MEOX2: variants seen among roughly 807,000 people sequenced by gnomAD.
The protein encoded by MEOX2 is homeobox protein MOX-2.
In MEOX2, 11 loss-of-function variants were observed where a neutral mutation model predicts 27.0. The observed-to-expected ratio is 0.41, with a 90% CI of 0.26 to 0.68. The LOEUF is 0.68. Among genes scored for constraint, MEOX2 ranks in the 30% least tolerant of loss-of-function variants. MEOX2 has a pLI of 0.33. For synonymous variants in MEOX2, 189 were observed against 155.4 expected, an observed-to-expected ratio of 1.22 and a Z score of -1.61; for missense variants, 436 against 385.4, an observed-to-expected ratio of 1.13 and a Z score of -1.10.
chr7:15,656,756 G>T (rs1226655907), intron 1 of MEOX2, among the ~76,000 whole-genome samples: 1 of 151,596 alleles, frequency 6.6e-6, no homozygotes, highest in African/African-American at 2.4e-5. Context: ...ACAATGTATT[G>T]TATTTACCTA....
At chr7:15,667,882 C>T (rs1202787504) in intron 1 of MEOX2, 3 of 152,264 alleles carry the variant, frequency 2.0e-5, no homozygotes, top group African/African-American at 7.2e-5. Flanking sequence ...TGAGGAAAAT[C>T]CCTTAATCAC....
At chr7:15,651,018 A>G (rs1781725138) in intron 1 of MEOX2, among the ~76,000 whole-genome samples, 2 of 152,004 alleles carry the variant, frequency 1.3e-5, no homozygotes. Context: ...GGGAACACTT[A>G]CTTTCTGAAA....
In MEOX2 at chr7:15,681,724, T is replaced by C. The variant is rs148253668; in HGVS notation, c.517+4162A>G. On this transcript the variant is annotated intron_variant, in intron 1 of 2. Transcript: ENST00000262041. ...TGTTTTTTCAGTTTATTAGTAAAGA[T>C]CAGCTTATAAGATGTCATTGTAAAG... The C allele has an allele frequency of 1.9e-4, 29 of 151,830 alleles. No homozygotes were observed. The East Asian group carries it at 5.6e-3, about 29-fold the overall frequency. The allele number at this position is 151,830 out of a possible 1,614,324, so 9.4% of individuals were successfully genotyped here.
intron 1 of MEOX2, among the ~76,000 whole-genome samples, chr7:15,662,809 T>G (rs1030982901): frequency 1.3e-5 from 2 of 152,162 alleles, no homozygotes; most frequent in African/African-American, 4.8e-5. Context: ...CTCCAAAAGA[T>G]TCATGACTGA....
At chr7:15,684,695 T>C (rs1183000297) in intron 1 of MEOX2, among the ~76,000 whole-genome samples, 1 of 152,218 alleles carries the variant, frequency 6.6e-6, no homozygotes, top group Non-Finnish European at 1.5e-5. Flanking sequence ...CATATGGGAT[T>C]ACCTTCTAGG....
intron 2 of MEOX2, among the ~76,000 whole-genome samples, chr7:15,626,430 A>T (rs1484929021): frequency 6.6e-6 from 1 of 152,098 alleles, no homozygotes; most frequent in Non-Finnish European, 1.5e-5. Context: ...GGAGATTTTA[A>T]CATATAAGCA....
intron 1 of MEOX2, among the ~76,000 whole-genome samples, chr7:15,648,532 G>C (rs1236199599): frequency 6.6e-6 from 1 of 152,038 alleles, no homozygotes; most frequent in South Asian, 2.1e-4. Context: ...CCGGAGAAAG[G>C]GATCTGGGTC....
chr7:15,661,199 A>T (rs945279321), intron 1 of MEOX2, among the ~76,000 whole-genome samples: 2 of 152,098 alleles, frequency 1.3e-5, no homozygotes, highest in African/African-American at 4.8e-5. Flanking sequence ...AACTAAAAAC[A>T]TAAATAGCTT....
intron 1 of MEOX2, among the ~76,000 whole-genome samples, chr7:15,644,783 G>T (rs987468839): frequency 6.6e-6 from 1 of 152,122 alleles, no homozygotes; most frequent in Non-Finnish European, 1.5e-5. Flanking sequence ...GTTGTGTGCT[G>T]GTAGGAGGGA....
intron 1 of MEOX2, among the ~76,000 whole-genome samples, chr7:15,683,039 A>G (rs879927051): frequency 2.6e-5 from 4 of 152,076 alleles, no homozygotes; most frequent in African/African-American, 4.8e-5. Context: ...TAGAGTTTGC[A>G]TATGTGTGTG....
chr7:15,680,318 T>TA (rs1782272838), intron 1 of MEOX2: 1 of 151,952 alleles, frequency 6.6e-6, no homozygotes, highest in African/African-American at 2.4e-5. Flanking sequence ...CAACATTCTT[T>TA]AAAAAATTCA....
chr7:15,673,593 C>A (rs1583789454), intron 1 of MEOX2, among the ~76,000 whole-genome samples: 2 of 25,638 alleles, frequency 7.8e-5, no homozygotes, highest in African/African-American at 1.8e-4. Flanking sequence ...ATAAACAAGT[C>A]TATCAAAAAA....
At chr7:15,674,599 G>C (rs770542089) in intron 1 of MEOX2, among the ~76,000 whole-genome samples, 2 of 151,506 alleles carry the variant, frequency 1.3e-5, no homozygotes, top group African/African-American at 2.4e-5. Flanking sequence ...TTTAGAAATG[G>C]TGTTGTCTTT....
intron 2 of MEOX2, among the ~76,000 whole-genome samples, chr7:15,618,990 G>A (rs1456215217): frequency 1.3e-5 from 2 of 151,944 alleles, no homozygotes; most frequent in Non-Finnish European, 2.9e-5. Flanking sequence ...ATGCATCTCT[G>A]AGTTTTTCAT....
intron 1 of MEOX2, among the ~76,000 whole-genome samples, chr7:15,647,870 T>C (rs1781675929): frequency 6.6e-6 from 1 of 152,128 alleles, no homozygotes; most frequent in African/African-American, 2.4e-5. Context: ...CATCTTCTAA[T>C]AAAGAAATGA....
At chr7:15,645,334 G>A (rs1324157189) in intron 1 of MEOX2, among the ~76,000 whole-genome samples, 1 of 152,148 alleles carries the variant, frequency 6.6e-6, no homozygotes, top group Non-Finnish European at 1.5e-5. Context: ...GCATTACATA[G>A]TAAGCAGTGT....
chr7:15,663,623 G>C (rs756516513), intron 1 of MEOX2, among the ~76,000 whole-genome samples: 1 of 152,154 alleles, frequency 6.6e-6, no homozygotes, highest in South Asian at 2.1e-4. Flanking sequence ...ACAGGCGTGA[G>C]CCACCGCGCC....
intron 2 of MEOX2, among the ~76,000 whole-genome samples, chr7:15,622,707 G>A (rs1781239419): frequency 6.6e-6 from 1 of 152,096 alleles, no homozygotes; most frequent in Non-Finnish European, 1.5e-5. Context: ...TAGCATTTAT[G>A]AGATTAATAT....
intron 1 of MEOX2, among the ~76,000 whole-genome samples, chr7:15,631,251 A>G (rs931223287): frequency 6.6e-6 from 1 of 151,640 alleles, no homozygotes; most frequent in South Asian, 2.1e-4. Context: ...AAATCATTGT[A>G]CCTGCTGAGC....
Sources: allele counts gnomAD v4.1 joint callset (sites outside exome capture counted in the v4.1 genomes callset), GRCh38; gene constraint gnomAD v4.1.1; transcripts MANE v1.5; gene names NCBI Gene and HGNC (gene_info 2026-07-23, HGNC 2026-07-21).